Variants in MTRR observed in about 807,000 individuals in gnomAD.
MTRR encodes the protein 5-methyltetrahydrofolate-homocysteine methyltransferase reductase.
A neutral mutation model predicts 79.2 loss-of-function variants in MTRR; 63 were observed. The ratio of observed to expected loss-of-function variants is 0.80; its 90% CI spans 0.65 to 0.98. The LOEUF (loss-of-function observed/expected upper bound fraction) is 0.98, where lower values mean the gene tolerates loss of function less well. Among genes scored for constraint, MTRR ranks in the 50% least tolerant of loss-of-function variants. The probability of loss-of-function intolerance (pLI) is 0.00; values close to 1 mark genes in which losing one functional copy is unlikely to be tolerated. For missense variants in MTRR, 895 were observed against 839.6 expected, an observed-to-expected ratio of 1.07 and a Z score of -0.82; for synonymous variants, 355 against 313.3, an observed-to-expected ratio of 1.13 and a Z score of -1.41.
chr5:7,900,819 C>G lies in MTRR; in HGVS notation c.*761C>G, dbSNP rs1186939938. The G allele has an allele frequency of 6.6e-6, 1 of 152,266 alleles. No homozygotes were observed. The highest frequency in any genetic ancestry group is 1.5e-5 in the Non-Finnish European group (1 of 68,030). 9.4% of individuals were successfully genotyped at this position (152,266 alleles called of 1,614,324 possible). On this transcript the variant is annotated 3_prime_UTR_variant, in exon 15 of 15. Coordinates refer to ENST00000440940, the MANE Select transcript of MTRR (RefSeq NM_002454.3). ...AGATACAACCTTTTTATTTTCACTCCTTTTATTTCTGCTGCTTGGCACATT... is the reference window on the plus strand; with the variant it reads ...AGATACAACCTTTTTATTTTCACTCGTTTTATTTCTGCTGCTTGGCACATT...
chr5:7,867,520 C>T (rs560390468), upstream of MTRR: 1 of 1,614,236 alleles, frequency 6.2e-7, no homozygotes, highest in East Asian at 2.2e-5. Flanking sequence ...GATCCACATG[C>T]AACAGAATCA....
intron 1 of MTRR, among the ~76,000 whole-genome samples, chr5:7,856,515 A>G (rs1415347918): frequency 6.6e-6 from 1 of 152,182 alleles, no homozygotes; most frequent in Non-Finnish European, 1.5e-5. Flanking sequence ...ACGTGTACCA[A>G]TAACAATAAT....
At chr5:7,861,637 A>C in intron 1 of MTRR, 1 of 1,608,830 alleles carries the variant, frequency 6.2e-7, no homozygotes, top group Non-Finnish European at 8.5e-7. Context: ...TTCTTCATCT[A>C]ATTTAATTTC....
At chr5:7,893,468 A>G (rs1253344589) in intron 11 of MTRR, 1 of 159,166 alleles carries the variant, frequency 6.3e-6, no homozygotes, top group Non-Finnish European at 1.4e-5. Flanking sequence ...ATACTTTTAC[A>G]ACACCTAGGA....
At chr5:7,872,415 C>T (rs892527246) in intron 2 of MTRR, 1 of 305,224 alleles carries the variant, frequency 3.3e-6, no homozygotes, top group Non-Finnish European at 6.4e-6. Flanking sequence ...ATGATATTCT[C>T]AGAGTTAAGA....
intron 1 of MTRR, among the ~76,000 whole-genome samples, chr5:7,853,448 CTT>C (rs1746136842): frequency 6.6e-6 from 1 of 152,140 alleles, no homozygotes; most frequent in South Asian, 2.1e-4. Context: ...TGAGAACAAA[CTT>C]ATACAGATGG....
intron 1 of MTRR, among the ~76,000 whole-genome samples, chr5:7,853,362 C>A (rs1746132314): frequency 6.6e-6 from 1 of 152,216 alleles, no homozygotes; most frequent in South Asian, 2.1e-4. Flanking sequence ...GCCACCCCAG[C>A]CATACTGAAC....
At chr5:7,869,498 C>G (rs540227193) in intron 1 of MTRR, 4 of 456,102 alleles carry the variant, frequency 8.8e-6, no homozygotes, top group South Asian at 6.7e-5. Context: ...GCCTTTGGTT[C>G]TAGGCGCTTT....
At chr5:7,888,731 G>C (rs1442699582) in intron 8 of MTRR, among the ~76,000 whole-genome samples, 3 of 152,156 alleles carry the variant, frequency 2.0e-5, no homozygotes, top group African/African-American at 7.2e-5. Flanking sequence ...TTACTGAAGT[G>C]CTTTGTTCCT....
chr5:7,879,070 A>G lies in MTRR; in HGVS notation c.780+748A>G, dbSNP rs570090310. On this transcript the variant is annotated intron_variant, in intron 5 of 14. Transcript: ENST00000440940. The stretch of plus-strand genomic sequence containing the variant: ...TTTGTAAACACCTGGTATGATAGCA[A>G]TTTTTTTTAGCATCTTTTATAATGT... Among the ~76,000 whole-genome samples the G allele has an allele frequency of 3.1e-3, 479 of 152,082 alleles. 4 individuals carry two copies. Among genetic ancestry groups the G allele is most frequent in the African/African-American group, 0.011 (460 of 41,476 alleles).
At chr5:7,861,855 T>TA in intron 1 of MTRR, 1 of 1,160,030 alleles carries the variant, frequency 8.6e-7, no homozygotes, top group African/African-American at 1.6e-5. Flanking sequence ...AGCCTTAAAT[T>TA]AAGAAAGCTC....
chr5:7,885,994 G>C (rs1736368723), intron 7 of MTRR, 140 bp downstream of exon 7: 1 of 1,029,378 alleles, frequency 9.7e-7, no homozygotes, highest in Non-Finnish European at 1.5e-6. Flanking sequence ...CAAGGTCTGG[G>C]AACACAGGCA....
intron 4 of MTRR, among the ~76,000 whole-genome samples, chr5:7,875,840 C>T (rs111394415): frequency 6.6e-6 from 1 of 152,376 alleles, no homozygotes; most frequent in Non-Finnish European, 1.5e-5. Context: ...CTCTTACCGT[C>T]TGAACGGCCA....
intron 2 of MTRR, among the ~76,000 whole-genome samples, chr5:7,871,884 A>G (rs13161857): frequency 0.013 from 2,022 of 152,316 alleles, 23 homozygotes; most frequent in Middle Eastern, 0.024. Flanking sequence ...GAAGTATCTG[A>G]ATCTGTTACT....
At chr5:7,850,898 T>C, upstream of MTRR, 1 of 1,355,508 alleles carries the variant, frequency 7.4e-7, no homozygotes, top group Non-Finnish European at 9.5e-7. Flanking sequence ...TAGTAGTAGC[T>C]GTGCTCTTTG....
intron 9 of MTRR, 104 bp from the exon 10 acceptor site, chr5:7,891,267 AG>A: frequency 1.5e-6 from 1 of 657,136 alleles, no homozygotes; most frequent in Non-Finnish European, 2.6e-6. Flanking sequence ...ACATGATTTG[AG>A]TATTCTAAAT....
chr5:7,883,511 GTGTGGTGCTTGGT>G lies in MTRR; in HGVS notation c.903+236_903+248del, dbSNP rs879908610. ...GGTGCTTGGTTACATATGCTGAGTT[GTGTGGTGCTTGGT>G]TACATATGCTGAGTTGTGTGGTGCT... On this transcript the variant is annotated intron_variant, in intron 6 of 14. Transcript: ENST00000440940. 0.019 allele frequency among the ~76,000 whole-genome samples: 2,612 copies of G among 138,110 alleles called. 4 individuals are homozygous for G. Among genetic ancestry groups the G allele is most frequent in the African/African-American group, 0.066 (2,486 of 37,808 alleles). 90.6% of individuals were successfully genotyped at this position (138,110 alleles called of 152,430 possible). A position where few individuals can be genotyped will look rare whatever the true frequency, so the allele number is the denominator to read the frequency against.
chr5:7,872,522 C>G (rs1018143173), intron 2 of MTRR, among the ~76,000 whole-genome samples: 2 of 152,166 alleles, frequency 1.3e-5, no homozygotes, highest in African/African-American at 2.4e-5. Context: ...TAATGATATT[C>G]TCAGCTCTCT....
chr5:7,856,192 G>A (rs1746242401), intron 1 of MTRR, among the ~76,000 whole-genome samples: 1 of 152,200 alleles, frequency 6.6e-6, no homozygotes, highest in Admixed American at 6.5e-5. Flanking sequence ...CACGTCTAGA[G>A]CTCTGCAATT....
Sources: gnomAD v4.1 joint callset for allele counts (sites outside exome capture counted in the v4.1 genomes callset) on GRCh38, gnomAD v4.1.1 for gene constraint, MANE v1.5 for transcripts, NCBI Gene and HGNC (gene_info 2026-07-23, HGNC 2026-07-21) for gene names.